PRKCE: variants seen among roughly 807,000 people sequenced by gnomAD.
PRKCE encodes the protein protein kinase C epsilon, also known as protein kinase C epsilon type.
In PRKCE, 16 loss-of-function variants were observed where a neutral mutation model predicts 85.4. That is an observed-to-expected ratio of 0.19 (90% confidence interval 0.13 to 0.28). The LOEUF (loss-of-function observed/expected upper bound fraction) is 0.28. PRKCE is among the 10% of genes least tolerant of loss of function. PRKCE has a pLI of 1.00. For missense variants in PRKCE, 573 were observed against 975.2 expected (o/e 0.59, Z 5.49); for synonymous variants, 388 against 371.5 (o/e 1.04, Z -0.51).
intron 1 of PRKCE, among the ~76,000 whole-genome samples, chr2:45,769,511 G>A (rs979431228): frequency 6.6e-6 from 1 of 152,180 alleles, no homozygotes; most frequent in Admixed American, 6.5e-5. Context: ...GAGTAACATG[G>A]CATCCAGCAG....
At position 46,061,054 on chromosome 2, in the gene PRKCE, G is replaced by A. The variant is rs917245429; in HGVS notation, c.1438-25154G>A. ...TGGGATTACAGGAGTGAGCAACTGC[G>A]TCCGGCCAGATTTTTTGTCTTTAAT... On this transcript the variant is annotated intron_variant, in intron 10 of 14. Transcript: ENST00000306156. Among the ~76,000 whole-genome samples the A allele has an allele frequency of 5.3e-5, 8 of 149,562 alleles. No homozygotes were observed. In the South Asian group the frequency reaches 8.5e-4, roughly 16 times the overall value.
chr2:46,134,930 A>G (rs1320777676), intron 11 of PRKCE, among the ~76,000 whole-genome samples: 1 of 152,252 alleles, frequency 6.6e-6, no homozygotes, highest in African/African-American at 2.4e-5. Flanking sequence ...ATAAGAATGT[A>G]CTTTCATTAT....
chr2:45,975,849 G>A (rs1702414814), intron 2 of PRKCE, among the ~76,000 whole-genome samples: 1 of 152,116 alleles, frequency 6.6e-6, no homozygotes, highest in Non-Finnish European at 1.5e-5. Context: ...TTTGACCTCT[G>A]GGAAAATGCT....
intron 14 of PRKCE, among the ~76,000 whole-genome samples, chr2:46,163,646 C>T (rs1234699658): frequency 2.2e-5 from 3 of 136,028 alleles, no homozygotes; most frequent in Non-Finnish European, 3.1e-5. Context: ...CACTGAGAGA[C>T]ACAGGGAAGC....
intron 1 of PRKCE, among the ~76,000 whole-genome samples, chr2:45,812,958 A>G (rs913040379): frequency 5.9e-5 from 9 of 152,234 alleles, no homozygotes; most frequent in South Asian, 2.1e-4. Context: ...GTTAAGAAGT[A>G]CCTTAAAGTT....
At chr2:46,087,820 C>T (rs528809018) in intron 11 of PRKCE, among the ~76,000 whole-genome samples, 23 of 152,288 alleles carry the variant, frequency 1.5e-4, no homozygotes, top group African/African-American at 5.1e-4. Flanking sequence ...CTTTCAAGCT[C>T]ATGTGCTTGT....
intron 1 of PRKCE, among the ~76,000 whole-genome samples, chr2:45,669,824 A>C (rs1676073976): frequency 6.6e-6 from 1 of 152,174 alleles, no homozygotes; most frequent in Non-Finnish European, 1.5e-5. Flanking sequence ...CAGCCTGGCC[A>C]ACATGGCGAA....
intron 14 of PRKCE, among the ~76,000 whole-genome samples, chr2:46,175,079 G>C (rs887344424): frequency 6.6e-6 from 1 of 151,814 alleles, no homozygotes; most frequent in Non-Finnish European, 1.5e-5. Flanking sequence ...TTCCTTCCTT[G>C]TTTTTCCTTT....
intron 1 of PRKCE, among the ~76,000 whole-genome samples, chr2:45,673,221 G>A (rs796343972): frequency 9.9e-5 from 15 of 152,282 alleles, no homozygotes; most frequent in African/African-American, 3.4e-4. Flanking sequence ...CTTTCAAGTT[G>A]TAACTCTTCC....
At chr2:45,981,199 C>G (rs1702865134) in intron 5 of PRKCE, among the ~76,000 whole-genome samples, 1 of 152,180 alleles carries the variant, frequency 6.6e-6, no homozygotes, top group African/African-American at 2.4e-5. Context: ...GATTAAAAAA[C>G]CTTTTTGAGG....
chr2:46,098,798 T>C lies in PRKCE; in HGVS notation c.1592+12436T>C, dbSNP rs1197383260. On this transcript the variant is annotated intron_variant, in intron 11 of 14. Transcript: ENST00000306156. ...AATCATTAGATTGAGCTACTAAAAA[T>C]GAGAATTGTTTCAGCAAACAAGTGG... 3.9e-5 allele frequency among the ~76,000 whole-genome samples: 6 copies of C among 152,312 alleles called. No homozygotes were observed. In the East Asian group the frequency reaches 9.6e-4, roughly 24 times the overall value.
At chr2:46,032,978 C>T (rs1168631826) in intron 10 of PRKCE, among the ~76,000 whole-genome samples, 1 of 152,118 alleles carries the variant, frequency 6.6e-6, no homozygotes, top group African/African-American at 2.4e-5. Flanking sequence ...AGTGGTGCTT[C>T]TAAAGGTCAG....
chr2:46,008,824 G>T (rs1227246304), intron 9 of PRKCE, among the ~76,000 whole-genome samples: 1 of 152,192 alleles, frequency 6.6e-6, no homozygotes, highest in African/African-American at 2.4e-5. Context: ...CGAGATTCTA[G>T]GTTTTCATAT....
chr2:45,741,960 A>G (rs531367569), intron 1 of PRKCE, among the ~76,000 whole-genome samples: 1 of 152,292 alleles, frequency 6.6e-6, no homozygotes, highest in South Asian at 2.1e-4. Context: ...TGTGTGTCCT[A>G]TGCTGCAAGG....
chr2:45,686,062 TG>T (rs1558556364), intron 1 of PRKCE, among the ~76,000 whole-genome samples: 1 of 152,168 alleles, frequency 6.6e-6, no homozygotes, highest in Non-Finnish European at 1.5e-5. Context: ...TGCCTTATCT[TG>T]TATATGTCCT....
At chr2:45,671,206 C>G (rs146882857) in intron 1 of PRKCE, among the ~76,000 whole-genome samples, 1 of 152,276 alleles carries the variant, frequency 6.6e-6, no homozygotes, top group South Asian at 2.1e-4. Flanking sequence ...TTTGATTCTC[C>G]CATCAAACTT....
chr2:45,938,681 T>C (rs1003242760), intron 2 of PRKCE, among the ~76,000 whole-genome samples: 4 of 152,204 alleles, frequency 2.6e-5, no homozygotes, highest in Non-Finnish European at 5.9e-5. Flanking sequence ...TGTTTGACCA[T>C]AAACTCATGG....
At chr2:46,174,494 G>A (rs749114375) in intron 14 of PRKCE, among the ~76,000 whole-genome samples, 9 of 152,128 alleles carry the variant, frequency 5.9e-5, no homozygotes, top group African/African-American at 1.9e-4. Context: ...GGGGCATTTC[G>A]TGGCAACTCC....
chr2:46,120,253 C>T (rs1673177686), intron 11 of PRKCE, among the ~76,000 whole-genome samples: 1 of 152,194 alleles, frequency 6.6e-6, no homozygotes, highest in Admixed American at 6.5e-5. Context: ...TGGTTCTCAA[C>T]CACTAGTGGT....
Sources: allele counts gnomAD v4.1 joint callset (sites outside exome capture counted in the v4.1 genomes callset), GRCh38; gene constraint gnomAD v4.1.1; transcripts MANE v1.5; gene names NCBI Gene and HGNC (gene_info 2026-07-23, HGNC 2026-07-21).